Variants in TACR1 observed in about 807,000 individuals in gnomAD.
TACR1 encodes substance-P receptor.
TACR1 carries 25 observed loss-of-function variants against 35.8 expected under a neutral mutation model. The observed-to-expected ratio is 0.70, with a 90% CI of 0.51 to 0.98. TACR1 has a LOEUF of 0.98. TACR1 is among the 50% of genes least tolerant of loss of function. The probability of loss-of-function intolerance (pLI) is 0.00; values close to 1 mark genes in which losing one functional copy is unlikely to be tolerated. For synonymous variants in TACR1, 195 were observed against 206.7 expected (o/e 0.94, Z 0.48); for missense variants, 478 against 522.9 (o/e 0.91, Z 0.84).
At chr2:75,148,225 G>T (rs952806999) in intron 1 of TACR1, among the ~76,000 whole-genome samples, 1 of 152,126 alleles carries the variant, frequency 6.6e-6, no homozygotes, top group African/African-American at 2.4e-5. Context: ...ATTCCTTTGG[G>T]TATATACCCA....
chr2:75,198,875 C>T lies in TACR1; in HGVS notation c.60G>A (p.Ser20=), dbSNP rs536474118. The change falls in exon 1 of 5, where the codon TCG becomes TCA. Residue 20 remains serine (S), a synonymous_variant. Coordinates refer to ENST00000305249, the MANE Select transcript of TACR1 (RefSeq NM_001058.4). The part of the protein sequence containing the change: ...DLSPNISTNT[S]EPNQFVQPAW... ...CTGGTTGCACGAACTGATTGGGTTCCGAGGTGTTAGTGGAGATGTTTGGGG... is the reference window on the plus strand; with the variant it reads ...CTGGTTGCACGAACTGATTGGGTTCTGAGGTGTTAGTGGAGATGTTTGGGG... 6.2e-6 allele frequency: 10 copies of T among 1,613,860 alleles called. No individual in the cohort carries two copies. Among genetic ancestry groups the T allele is most frequent in the Non-Finnish European group, 7.6e-6 (9 of 1,180,026 alleles).
At chr2:75,079,456 T>C (rs1431901595) in intron 2 of TACR1, among the ~76,000 whole-genome samples, 1 of 152,232 alleles carries the variant, frequency 6.6e-6, no homozygotes, top group Non-Finnish European at 1.5e-5. Context: ...TGCTGCTGCC[T>C]GTGGTGTCCT....
intron 1 of TACR1, among the ~76,000 whole-genome samples, chr2:75,130,896 G>A (rs1050755834): frequency 2.0e-5 from 3 of 152,150 alleles, no homozygotes; most frequent in Admixed American, 6.5e-5. Flanking sequence ...TTAAATGACC[G>A]TTGTTCTAAA....
chr2:75,103,185 G>C (rs1045078603), intron 2 of TACR1, among the ~76,000 whole-genome samples: 3 of 152,222 alleles, frequency 2.0e-5, no homozygotes, highest in South Asian at 4.1e-4. Context: ...CCCAGGTGTT[G>C]GTTTCTAATA....
At chr2:75,194,185 G>A (rs1241565227) in intron 1 of TACR1, among the ~76,000 whole-genome samples, 1 of 151,920 alleles carries the variant, frequency 6.6e-6, no homozygotes, top group Non-Finnish European at 1.5e-5. Context: ...CAAGTGTAAC[G>A]GAGCAGCTCC....
At chr2:75,183,611 G>A (rs1675612886) in intron 1 of TACR1, among the ~76,000 whole-genome samples, 1 of 152,198 alleles carries the variant, frequency 6.6e-6, no homozygotes, top group Admixed American at 6.5e-5. Flanking sequence ...GAGTACCGAA[G>A]TTCTGCTCAC....
In TACR1 at chr2:75,048,152, A is replaced by G. The variant is rs1672396340; in HGVS notation, c.*1280T>C. On this transcript the variant is annotated 3_prime_UTR_variant, in exon 5 of 5. Transcript: ENST00000305249. Reference sequence around the variant, plus strand: ...CATGGAGCAGGGAGGAGACATTCAGAGAGTCTGAAGGGAAGATGCAAGATG... The same window carrying G: ...CATGGAGCAGGGAGGAGACATTCAGGGAGTCTGAAGGGAAGATGCAAGATG... 1 of 152,224 alleles carries G rather than the reference A, an allele frequency of 6.6e-6. No individual in the cohort carries two copies. Among genetic ancestry groups the G allele is most frequent in the Admixed American group, 6.5e-5 (1 of 15,284 alleles). 9.4% of individuals were successfully genotyped at this position (152,224 alleles called of 1,614,324 possible). A position where few individuals can be genotyped will look rare whatever the true frequency, so the allele number is the denominator to read the frequency against.
chr2:75,067,348 G>C (rs1398398253), intron 2 of TACR1, among the ~76,000 whole-genome samples: 1 of 152,172 alleles, frequency 6.6e-6, no homozygotes, highest in Non-Finnish European at 1.5e-5. Context: ...TGTTGAGGTA[G>C]CATCTTCAGT....
At chr2:75,084,048 C>A (rs369918084) in intron 2 of TACR1, among the ~76,000 whole-genome samples, 17 of 152,190 alleles carry the variant, frequency 1.1e-4, no homozygotes, top group African/African-American at 3.6e-4. Context: ...ATTCAGTATG[C>A]TATTGGCTGT....
At chr2:75,102,686 TTTATAAATCGTGATATTCCCACAATTTA>T (rs1673562646) in intron 2 of TACR1, among the ~76,000 whole-genome samples, 1 of 152,166 alleles carries the variant, frequency 6.6e-6, no homozygotes, top group African/African-American at 2.4e-5. Context: ...TATTTATATA[TTTATAAATCGTGATATTCCCACAATTTA>T]TACCCAATCA....
intron 1 of TACR1, among the ~76,000 whole-genome samples, chr2:75,147,105 T>A (rs1265287168): frequency 6.6e-6 from 1 of 152,326 alleles, no homozygotes; most frequent in East Asian, 1.9e-4. Context: ...CCTGTTCCAG[T>A]CAAGTTAGGT....
intron 2 of TACR1, among the ~76,000 whole-genome samples, chr2:75,063,000 C>T (rs955201473): frequency 1.3e-5 from 2 of 152,198 alleles, no homozygotes; most frequent in Non-Finnish European, 2.9e-5. Flanking sequence ...GCCTCATAAT[C>T]ATGGCGGAAG....
chr2:75,049,181 G>T lies in TACR1; in HGVS notation c.*251C>A. 2.1e-6 allele frequency: 1 copy of T among 481,662 alleles called. No individual in the cohort carries two copies. 29.8% of individuals were successfully genotyped at this position (481,662 alleles called of 1,614,324 possible). A position where few individuals can be genotyped will look rare whatever the true frequency, so the allele number is the denominator to read the frequency against. ...ATGGGCTTTTGGGAAAAGCTGGTCCGACCTTTTATTTTACAGGCTCAGCAA... is the reference window on the plus strand; with the variant it reads ...ATGGGCTTTTGGGAAAAGCTGGTCCTACCTTTTATTTTACAGGCTCAGCAA... On this transcript the variant is annotated 3_prime_UTR_variant, in exon 5 of 5. Transcript: ENST00000305249.
chr2:75,126,753 G>A (rs142275339), intron 1 of TACR1, among the ~76,000 whole-genome samples: 396 of 152,264 alleles, frequency 2.6e-3, no homozygotes, highest in African/African-American at 9.1e-3. Flanking sequence ...TCTGACAACG[G>A]TCTAATATCC....
intron 1 of TACR1, among the ~76,000 whole-genome samples, chr2:75,154,094 T>C (rs1413634324): frequency 6.6e-5 from 10 of 152,208 alleles, no homozygotes; most frequent in Non-Finnish European, 1.5e-5. Flanking sequence ...CAACTAAAGT[T>C]CACTTGGATG....
chr2:75,131,824 A>G (rs542044764), intron 1 of TACR1, among the ~76,000 whole-genome samples: 145 of 152,360 alleles, frequency 9.5e-4, no homozygotes, highest in Middle Eastern at 3.4e-3. Context: ...AAGTAACAGT[A>G]CCAAACTTTT....
At chr2:75,091,841 A>T (rs1027081936) in intron 2 of TACR1, among the ~76,000 whole-genome samples, 4 of 152,212 alleles carry the variant, frequency 2.6e-5, no homozygotes, top group African/African-American at 9.6e-5. Flanking sequence ...TTGATGCTGG[A>T]AGTTGGGCAA....
At chr2:75,108,183 C>T (rs1000296147) in intron 2 of TACR1, among the ~76,000 whole-genome samples, 17 of 151,900 alleles carry the variant, frequency 1.1e-4, no homozygotes, top group Non-Finnish European at 1.9e-4. Context: ...TAAAAGCATC[C>T]CTAGCCTTGA....
chr2:75,122,545 A>G (rs565548680), intron 1 of TACR1, among the ~76,000 whole-genome samples: 67 of 152,272 alleles, frequency 4.4e-4, no homozygotes, highest in South Asian at 1.9e-3. Context: ...ACTCCCAGGA[A>G]GGAAACTCCT....
Sources: allele counts gnomAD v4.1 joint callset (sites outside exome capture counted in the v4.1 genomes callset), GRCh38; gene constraint gnomAD v4.1.1; transcripts MANE v1.5; gene names NCBI Gene and HGNC (gene_info 2026-07-23, HGNC 2026-07-21).